SPNS2: variants seen among roughly 807,000 people sequenced by gnomAD.
SPNS2 encodes the protein sphingosine-1-phosphate transporter SPNS2.
A neutral mutation model predicts 57.6 loss-of-function variants in SPNS2; 37 were observed. The ratio of observed to expected loss-of-function variants is 0.64; its 90% CI spans 0.49 to 0.85. The LOEUF (loss-of-function observed/expected upper bound fraction) is 0.85. Among genes scored for constraint, SPNS2 ranks in the 40% least tolerant of loss-of-function variants. SPNS2 has a pLI of 0.00. For synonymous variants in SPNS2, 440 were observed against 346.9 expected (o/e 1.27, Z -2.98); for missense variants, 831 against 779.1 (o/e 1.07, Z -0.79).
intron 1 of SPNS2, among the ~76,000 whole-genome samples, chr17:4,507,898 C>G (rs1021875685): frequency 6.6e-6 from 1 of 152,224 alleles, no homozygotes; most frequent in Non-Finnish European, 1.5e-5. Flanking sequence ...TGGATTTCCT[C>G]TTACACCTTG....
Position 4,533,435 on chromosome 17 carries a change from G to A in SPNS2, c.1278+3G>A, listed in dbSNP as rs1263947542. The A allele has an allele frequency of 6.3e-7, 1 of 1,591,922 alleles. No homozygotes were observed. Among genetic ancestry groups the A allele is most frequent in the Non-Finnish European group, 8.6e-7 (1 of 1,168,604 alleles). ...AGAGCAGCATCGTAGGAGCCTATGT[G>A]AGTGCAGCGGGGGTCAAGGGTGCTG... On this transcript the variant is annotated splice_donor_region_variant and intron_variant, in intron 8 of 12. Transcript: ENST00000329078.
Position 4,499,585 on chromosome 17 carries a change from C to T in SPNS2, c.370+168C>T. 2.3e-6 allele frequency: 1 copy of T among 437,800 alleles called. No homozygotes were observed. Among genetic ancestry groups the T allele is most frequent in the Non-Finnish European group, 4.0e-6 (1 of 251,894 alleles). 27.1% of individuals were successfully genotyped at this position (437,800 alleles called of 1,614,324 possible). A position where few individuals can be genotyped will look rare whatever the true frequency, so the allele number is the denominator to read the frequency against. ...AGGCACAACTGGGCAAGGGATGCCT[C>T]CGTGCACCACGGGTACAATCCAGCT... On this transcript the variant is annotated intron_variant, in intron 1 of 12. Transcript: ENST00000329078. This position sits in a 1 kb window ranked among gnomAD's most constrained non-coding sequence, Gnocchi z 5.2.
At chr17:4,524,931 T>C in intron 2 of SPNS2, 126 bp from the exon 3 acceptor site, 1 of 1,397,126 alleles carries the variant, frequency 7.2e-7, no homozygotes, top group Non-Finnish European at 9.6e-7. Context: ...GGCCGAGGTT[T>C]CCTCTCTGGG....
chr17:4,530,885 C>G, intron 4 of SPNS2, 102 bp downstream of exon 4: 1 of 1,498,268 alleles, frequency 6.7e-7, no homozygotes, highest in East Asian at 2.4e-5. Context: ...GGCAGGCGTC[C>G]TCAGAGAGCT....
At chr17:4,518,716 C>T (rs1404307769) in intron 2 of SPNS2, among the ~76,000 whole-genome samples, 1 of 152,134 alleles carries the variant, frequency 6.6e-6, no homozygotes, top group East Asian at 1.9e-4. Context: ...CCAGCTCAAA[C>T]CGAAACCAGA....
rs369968004 is a variant in SPNS2 at position 4,536,150 on chromosome 17, C to A, written c.1419C>A (p.Ala473=). 8 of 1,612,330 alleles carry A rather than the reference C, an allele frequency of 5.0e-6. No homozygotes were observed. The Admixed American group carries it at 1.2e-4, about 24-fold the overall frequency. The change falls in exon 10 of 13, where the codon GCC becomes GCA. Residue 473 remains alanine, a synonymous_variant. Coordinates refer to ENST00000329078, the MANE Select transcript of SPNS2 (RefSeq NM_001124758.3). ...QSFTSHLLGD[A]GSPYLIGFIS... is the part of the protein sequence containing the mutation. ...TCACCTCCCACCTGCTGGGGGACGC[C>A]GGGAGCCCCTACCTCATTGGCTTTG...
intron 1 of SPNS2, among the ~76,000 whole-genome samples, chr17:4,509,766 G>A (rs1443203008): frequency 6.6e-6 from 1 of 152,272 alleles, no homozygotes; most frequent in Non-Finnish European, 1.5e-5. Context: ...CTTGGGTGAT[G>A]AGAACCCTGT....
At chr17:4,534,709 C>T (rs1905685120) in intron 9 of SPNS2, among the ~76,000 whole-genome samples, 2 of 152,096 alleles carry the variant, frequency 1.3e-5, no homozygotes, top group Admixed American at 6.5e-5. Context: ...CTCCCGAGTC[C>T]ATGGGCTGCG....
chr17:4,536,829 T>TGTGCCAGAGCA (rs1567598360), intron 11 of SPNS2, 71 bp from the exon 12 acceptor site: 5 of 1,299,786 alleles, frequency 3.8e-6, no homozygotes, highest in African/African-American at 1.5e-5. Context: ...CACGACACGA[T>TGTGCCAGAGCA]GTGCCAGAGC....
intron 1 of SPNS2, among the ~76,000 whole-genome samples, chr17:4,506,350 G>A (rs1904677902): frequency 1.3e-5 from 2 of 152,184 alleles, no homozygotes; most frequent in African/African-American, 2.4e-5. Flanking sequence ...CTTATCCTGT[G>A]TCTGGCTGGC....
rs1171787882 is a variant in SPNS2 at position 4,536,115 on chromosome 17, T to C, written c.1384T>C (p.Leu462=). 1.1e-5 allele frequency: 18 copies of C among 1,612,514 alleles called. No homozygotes were observed. Among genetic ancestry groups the C allele is most frequent in the Non-Finnish European group, 1.4e-5 (16 of 1,179,838 alleles). The change falls in exon 10 of 13, where the codon TTG becomes CTG. Residue 462 remains leucine, a synonymous_variant. Coordinates refer to ENST00000329078, the MANE Select transcript of SPNS2 (RefSeq NM_001124758.3). ...CACGCGGCGCGCCACTGCCGTGGCC[T>C]TGCAGAGCTTCACCTCCCACCTGCT... ...IPTRRATAVA[L]QSFTSHLLGD... is the part of the protein sequence containing the mutation.
chr17:4,536,779 T>C lies in SPNS2; in HGVS notation c.1608-121T>C, dbSNP rs1905840611. On this transcript the variant is annotated intron_variant, in intron 11 of 12. Coordinates refer to ENST00000329078, the MANE Select transcript of SPNS2 (RefSeq NM_001124758.3). ...GGGCTCTCCCATCTCCCCCTGGGGCTGACGAGGTCCCTGCCCAGCACCTCC... is the reference window on the plus strand; with the variant it reads ...GGGCTCTCCCATCTCCCCCTGGGGCCGACGAGGTCCCTGCCCAGCACCTCC... 3 of 803,970 alleles carry C rather than the reference T, an allele frequency of 3.7e-6. No homozygotes were observed. The African/African-American group carries it at 5.1e-5, about 14-fold the overall frequency. The allele number at this position is 803,970 out of a possible 1,614,324, so 49.8% of individuals were successfully genotyped here. A position where few individuals can be genotyped will look rare whatever the true frequency, so the allele number is the denominator to read the frequency against.
chr17:4,527,906 C>A (rs1288656067), intron 3 of SPNS2, among the ~76,000 whole-genome samples: 3 of 148,728 alleles, frequency 2.0e-5, no homozygotes, highest in Admixed American at 1.4e-4. Context: ...AAGAGAGAAA[C>A]TCCAGCTTGT....
intron 1 of SPNS2, among the ~76,000 whole-genome samples, chr17:4,506,768 G>A (rs1904690664): frequency 6.6e-6 from 1 of 152,178 alleles, no homozygotes; most frequent in South Asian, 2.1e-4. Flanking sequence ...TCTCTGCAGA[G>A]ACTGATCAGT....
At chr17:4,508,265 C>T (rs1335765895) in intron 1 of SPNS2, among the ~76,000 whole-genome samples, 1 of 152,152 alleles carries the variant, frequency 6.6e-6, no homozygotes, top group Admixed American at 6.5e-5. Context: ...GGCTGGGCGG[C>T]CTACAGCCTG....
chr17:4,534,614 T>TG (rs1484363200), intron 9 of SPNS2, among the ~76,000 whole-genome samples: 1 of 151,244 alleles, frequency 6.6e-6, no homozygotes, highest in African/African-American at 2.5e-5. Flanking sequence ...TGCCAGGCAC[T>TG]GCGGCCCCTG....
At position 4,498,918 on chromosome 17, in the gene SPNS2, CGGAGCGCA is replaced by C; in HGVS notation, c.-124_-117del. The C allele has an allele frequency of 2.4e-6, 1 of 418,864 alleles. No homozygotes were observed. Among genetic ancestry groups the C allele is most frequent in the Non-Finnish European group, 3.2e-6 (1 of 312,434 alleles). The allele number at this position is 418,864 out of a possible 1,614,324, so 25.9% of individuals were successfully genotyped here. ...GCGGTGGCAGCGCCGCAGCCGGGGCCGGAGCGCAGGAGCCGACGGGGCCCGACCAGGAT... is the reference window on the plus strand; with the variant it reads ...GCGGTGGCAGCGCCGCAGCCGGGGCCGGAGCCGACGGGGCCCGACCAGGAT... On this transcript the variant is annotated 5_prime_UTR_variant, in exon 1 of 13. Transcript: ENST00000329078.
At position 4,530,518 on chromosome 17, in the gene SPNS2, C is replaced by T. The variant is rs1597368395; in HGVS notation, c.574-114C>T. 3 of 1,300,936 alleles carry T rather than the reference C, an allele frequency of 2.3e-6. No individual in the cohort carries two copies. In the South Asian group the frequency reaches 4.2e-5, roughly 18 times the overall value. The allele number at this position is 1,300,936 out of a possible 1,614,324, so 80.6% of individuals were successfully genotyped here. A position where few individuals can be genotyped will look rare whatever the true frequency, so the allele number is the denominator to read the frequency against. On this transcript the variant is annotated intron_variant, in intron 3 of 12. Transcript: ENST00000329078. ...AGGTGCAGCCCACCAGCACCCTCAC[C>T]CTTCTCTCCCCTGGCTCCTGGGCCC...
intron 4 of SPNS2, 107 bp from the exon 5 acceptor site, chr17:4,530,946 C>G: frequency 6.7e-7 from 1 of 1,491,726 alleles, no homozygotes; most frequent in Admixed American, 1.9e-5. Flanking sequence ...GCTCCCTGGC[C>G]AGCTGGCTGG....
Sources: allele counts gnomAD v4.1 joint callset (sites outside exome capture counted in the v4.1 genomes callset), GRCh38; gene constraint gnomAD v4.1.1; non-coding constraint Gnocchi (gnomAD v3.1); transcripts MANE v1.5; gene names NCBI Gene and HGNC (gene_info 2026-07-23, HGNC 2026-07-21).